LMO1: variants seen among roughly 807,000 people sequenced by gnomAD.
LMO1 encodes rhombotin-1.
A neutral mutation model predicts 18.0 loss-of-function variants in LMO1; 10 were observed. The ratio of observed to expected loss-of-function variants is 0.55; its 90% CI spans 0.34 to 0.94. The LOEUF is 0.94. Ranked by LOEUF, LMO1 falls within the 40% of genes least tolerant of loss-of-function variation. LMO1 has a pLI of 0.02. For synonymous variants in LMO1, 77 were observed against 77.9 expected, an observed-to-expected ratio of 0.99 and a Z score of 0.06; for missense variants, 183 against 205.7, an observed-to-expected ratio of 0.89 and a Z score of 0.68.
chr11:8,239,762 G>T (rs538703441), intron 1 of LMO1, among the ~76,000 whole-genome samples: 2 of 152,322 alleles, frequency 1.3e-5, no homozygotes, highest in Admixed American at 6.5e-5. Context: ...ATGCTTGTCT[G>T]CTCTAAGTGC....
chr11:8,227,106 G>C lies in LMO1; in HGVS notation c.240-6C>G. 6.2e-7 allele frequency: 1 copy of C among 1,612,248 alleles called. No individual in the cohort carries two copies. Among genetic ancestry groups the C allele is most frequent in the African/African-American group, 1.3e-5 (1 of 75,044 alleles). On this transcript the variant is annotated splice_polypyrimidine_tract_variant and splice_region_variant and intron_variant, in intron 2 of 3. Transcript: ENST00000335790. ...TCCCTGTGGTGCCAAAGAGCCTGCC[G>C]AGGGAAGGGCGCAGAGGACTCAGCA...
intron 3 of LMO1, 92 bp downstream of exon 3, chr11:8,226,883 G>T: frequency 6.8e-7 from 1 of 1,479,706 alleles, no homozygotes. Context: ...ACCCGCATTT[G>T]CGTGCACGCC....
At chr11:8,243,612 G>C (rs978565645) in intron 1 of LMO1, among the ~76,000 whole-genome samples, 2 of 152,250 alleles carry the variant, frequency 1.3e-5, no homozygotes, top group Non-Finnish European at 2.9e-5. Flanking sequence ...CCAGAGCACA[G>C]AGTCTGCAGC....
chr11:8,264,342 T>A (rs1847238629), upstream of LMO1, among the ~76,000 whole-genome samples: 1 of 152,170 alleles, frequency 6.6e-6, no homozygotes, highest in South Asian at 2.1e-4. Context: ...AGCACAGGCA[T>A]GGCCTTGAAA....
intron 1 of LMO1, among the ~76,000 whole-genome samples, chr11:8,232,899 G>C (rs141965479): frequency 6.6e-6 from 1 of 152,146 alleles, no homozygotes; most frequent in African/African-American, 2.4e-5. Flanking sequence ...CTGGTCTTCC[G>C]AGCTCAGACC....
Position 8,251,962 on chromosome 11 carries a change from G to C in LMO1, c.25+11376C>G, listed in dbSNP as rs931304517. On this transcript the variant is annotated intron_variant, in intron 1 of 3. Coordinates refer to ENST00000335790, the MANE Select transcript of LMO1 (RefSeq NM_002315.3). ...TGAATGTATGTGGGAGTGTGTGTTT[G>C]TGTGTGGGGGTGTGCGTGTGTGGGG... Among the ~76,000 whole-genome samples the C allele has an allele frequency of 3.8e-4, 46 of 121,496 alleles. 2 individuals are homozygous for C. The South Asian group carries it at 0.011, about 30-fold the overall frequency. 79.7% of individuals were successfully genotyped at this position (121,496 alleles called of 152,430 possible).
Position 8,230,413 on chromosome 11 carries a change from T to C in LMO1, c.117A>G (p.Ala39=), listed in dbSNP as rs781176209. The change falls in exon 2 of 4, where the codon GCA becomes GCG. Residue 39 remains alanine, a synonymous_variant. Transcript: ENST00000335790. ...AGTCTTCGTGCCAGTACTTGTCCAA[T>C]GCCTTCAGCAGATAGCGGTCCTTGA... The part of the protein sequence containing the change: ...RKIKDRYLLK[A]LDKYWHEDCL... 6.2e-6 allele frequency: 10 copies of C among 1,614,006 alleles called. No homozygotes were observed. The highest frequency in any genetic ancestry group is 2.2e-5 in the South Asian group (2 of 91,088).
rs906524222 is a variant in LMO1, at chr11:8,263,540, G to A, written c.-178C>T. 7 of 1,368,478 alleles carry A rather than the reference G, an allele frequency of 5.1e-6. No individual in the cohort carries two copies. Among genetic ancestry groups the A allele is most frequent in the Non-Finnish European group, 5.6e-6 (6 of 1,062,754 alleles). The allele number at this position is 1,368,478 out of a possible 1,614,324, so 84.8% of individuals were successfully genotyped here. The stretch of plus-strand genomic sequence containing the variant: ...ATTACATTCAGGAGTGAAGCACTTC[G>A]CAGATACAAAAGCAGTCTCACCTAC... On this transcript the variant is annotated 5_prime_UTR_variant, in exon 1 of 4. Coordinates refer to ENST00000335790, the MANE Select transcript of LMO1 (RefSeq NM_002315.3).
At chr11:8,228,015 G>A (rs1952579666) in intron 2 of LMO1, among the ~76,000 whole-genome samples, 1 of 152,202 alleles carries the variant, frequency 6.6e-6, no homozygotes, top group Admixed American at 6.5e-5. Context: ...CAAACTCACT[G>A]TGTTACTTGC....
chr11:8,237,758 G>A (rs928350647), intron 1 of LMO1, among the ~76,000 whole-genome samples: 1 of 152,252 alleles, frequency 6.6e-6, no homozygotes, highest in Non-Finnish European at 1.5e-5. Context: ...AGAGGGACTG[G>A]CAGCTTTGAC....
At chr11:8,266,311 G>A (rs1057412709), upstream of LMO1, among the ~76,000 whole-genome samples, 2 of 152,146 alleles carry the variant, frequency 1.3e-5, no homozygotes, top group Admixed American at 1.3e-4. Context: ...CACCCCATCT[G>A]ATGGCCTCTC....
At chr11:8,242,336 G>A (rs758012305) in intron 1 of LMO1, among the ~76,000 whole-genome samples, 8 of 152,274 alleles carry the variant, frequency 5.3e-5, no homozygotes, top group Admixed American at 1.3e-4. Context: ...AGGGGGTAGC[G>A]GGTATCTCTG....
chr11:8,230,385 G>C lies in LMO1; in HGVS notation c.145C>G (p.Leu49Val). ...ALDKYWHEDC[L>V]KCACCDCRLG... Reference sequence around the variant, plus strand: ...CGGCAGTCACAGCAGGCACACTTGAGGCAGTCTTCGTGCCAGTACTTGTCC... The same window carrying C: ...CGGCAGTCACAGCAGGCACACTTGACGCAGTCTTCGTGCCAGTACTTGTCC... The change falls in exon 2 of 4, where the codon CTC (leucine) becomes GTC (valine). Residue 49 changes from leucine (L) to valine (V), a missense_variant. Leu to Val is a conservative substitution (Grantham distance 32). Coordinates refer to ENST00000335790, the MANE Select transcript of LMO1 (RefSeq NM_002315.3). The C allele has an allele frequency of 2.5e-6, 4 of 1,614,082 alleles. No individual in the cohort carries two copies. Among genetic ancestry groups the C allele is most frequent in the Non-Finnish European group, 3.4e-6 (4 of 1,179,914 alleles).
chr11:8,260,638 C>T (rs903280030), intron 1 of LMO1, among the ~76,000 whole-genome samples: 6 of 152,166 alleles, frequency 3.9e-5, no homozygotes, highest in East Asian at 1.9e-4. Context: ...CCCGTTGCTA[C>T]GGCAAAACGA....
At chr11:8,264,679 T>C (rs1044795798), upstream of LMO1, among the ~76,000 whole-genome samples, 3 of 152,304 alleles carry the variant, frequency 2.0e-5, no homozygotes, top group African/African-American at 7.2e-5. Context: ...TTGCCCAGGC[T>C]GGAGTGCAGT....
chr11:8,228,426 A>C (rs1952588855), intron 2 of LMO1, among the ~76,000 whole-genome samples: 1 of 152,220 alleles, frequency 6.6e-6, no homozygotes, highest in Non-Finnish European at 1.5e-5. Context: ...TCCATTATTC[A>C]TCAGCTTGAG....
At chr11:8,240,499 T>G (rs1590541027) in intron 1 of LMO1, among the ~76,000 whole-genome samples, 1 of 152,146 alleles carries the variant, frequency 6.6e-6, no homozygotes, top group Non-Finnish European at 1.5e-5. Flanking sequence ...ACAGACTGGG[T>G]GGCATATAAA....
intron 1 of LMO1, among the ~76,000 whole-genome samples, chr11:8,251,915 T>C (rs1167316322): frequency 7.0e-6 from 1 of 143,172 alleles, no homozygotes; most frequent in Non-Finnish European, 1.5e-5. Flanking sequence ...GTGGTGGGTG[T>C]GTGGTGGGTG....
chr11:8,264,126 A>G (rs1455122057), upstream of LMO1, among the ~76,000 whole-genome samples: 2 of 151,868 alleles, frequency 1.3e-5, no homozygotes, highest in Non-Finnish European at 2.9e-5. Context: ...CTTCAGAGCA[A>G]TATTTCTCTG....
Sources: gnomAD v4.1 joint callset for allele counts (sites outside exome capture counted in the v4.1 genomes callset) on GRCh38, gnomAD v4.1.1 for gene constraint, MANE v1.5 for transcripts, NCBI Gene and HGNC (gene_info 2026-07-23, HGNC 2026-07-21) for gene names.